Variants in NALF1 observed in about 807,000 individuals in gnomAD.
The protein encoded by NALF1 is NALCN channel auxiliary factor 1.
NALF1 carries 3 observed loss-of-function variants against 48.4 expected under a neutral mutation model. The observed-to-expected ratio is 0.06, with a 90% CI of 0.03 to 0.16. The LOEUF (loss-of-function observed/expected upper bound fraction) is 0.16, where lower values mean the gene tolerates loss of function less well. Among genes scored for constraint, NALF1 ranks in the 10% least tolerant of loss-of-function variants. NALF1 has a pLI of 1.00. For synonymous variants in NALF1, 262 were observed against 245.7 expected (o/e 1.07, Z -0.62); for missense variants, 526 against 571.5 (o/e 0.92, Z 0.81).
Position 107,696,349 on chromosome 13 carries a change from T to C in NALF1, c.915+169333A>G, listed in dbSNP as rs189418445. ...TCCAACACCTTGCAAATGTTAATCA[T>C]AGTGGACATCCATTTGATAAAGTGT... On this transcript the variant is annotated intron_variant, in intron 1 of 2. Transcript: ENST00000375915. Among the ~76,000 whole-genome samples, 11 of 152,382 alleles carry C rather than the reference T, an allele frequency of 7.2e-5. No individual in the cohort carries two copies. In the East Asian group the frequency reaches 2.1e-3, roughly 29 times the overall value.
chr13:107,714,932 C>T (rs1020320429), intron 1 of NALF1, among the ~76,000 whole-genome samples: 5 of 151,648 alleles, frequency 3.3e-5, no homozygotes, highest in Non-Finnish European at 5.9e-5. Context: ...AGTTACTATT[C>T]GTAGCAAGGG....
intron 1 of NALF1, among the ~76,000 whole-genome samples, chr13:107,699,327 T>G (rs552197066): frequency 4.4e-4 from 67 of 152,236 alleles, no homozygotes; most frequent in African/African-American, 1.6e-3. Context: ...GACTCTGTTT[T>G]GATAGAGAGA....
intron 2 of NALF1, among the ~76,000 whole-genome samples, chr13:107,196,580 T>C (rs746986651): frequency 6.6e-6 from 1 of 152,138 alleles, no homozygotes; most frequent in African/African-American, 2.4e-5. Context: ...TTAAGTGAAA[T>C]AAGCCAGACA....
At chr13:107,766,448 G>A (rs1403070642) in intron 1 of NALF1, among the ~76,000 whole-genome samples, 3 of 152,048 alleles carry the variant, frequency 2.0e-5, no homozygotes, top group Non-Finnish European at 4.4e-5. Context: ...TCCTTTCAAG[G>A]GAAATTTTAC....
At chr13:107,864,645 T>C (rs987701494) in intron 1 of NALF1, among the ~76,000 whole-genome samples, 2 of 152,222 alleles carry the variant, frequency 1.3e-5, no homozygotes, top group Non-Finnish European at 2.9e-5. Flanking sequence ...TTAAGGCTTA[T>C]AGAGATACTG....
intron 1 of NALF1, among the ~76,000 whole-genome samples, chr13:107,628,970 A>G (rs1879758806): frequency 6.6e-6 from 1 of 152,164 alleles, no homozygotes; most frequent in African/African-American, 2.4e-5. Flanking sequence ...ATTATAACTA[A>G]CAGTGTACTT....
intron 1 of NALF1, among the ~76,000 whole-genome samples, chr13:107,546,165 G>C (rs943076925): frequency 1.3e-5 from 2 of 152,040 alleles, no homozygotes; most frequent in Non-Finnish European, 2.9e-5. Context: ...TGCACCCTGG[G>C]GCCAGTGTGC....
intron 1 of NALF1, among the ~76,000 whole-genome samples, chr13:107,637,060 T>C (rs1879997326): frequency 6.6e-6 from 1 of 151,878 alleles, no homozygotes; most frequent in Non-Finnish European, 1.5e-5. Context: ...AGTAAGATGC[T>C]ATACAGATTT....
chr13:107,531,070 T>A (rs1876615685), intron 1 of NALF1: 1 of 156,254 alleles, frequency 6.4e-6, no homozygotes, highest in South Asian at 2.1e-4. Flanking sequence ...ATTCCTATAT[T>A]AGGAATTACA....
chr13:107,733,951 T>C (rs774593877), intron 1 of NALF1, among the ~76,000 whole-genome samples: 2 of 152,198 alleles, frequency 1.3e-5, no homozygotes, highest in Non-Finnish European at 2.9e-5. Flanking sequence ...TGGTACAGCC[T>C]ACTACATACC....
intron 1 of NALF1, among the ~76,000 whole-genome samples, chr13:107,742,574 G>GT (rs1876671640): frequency 6.6e-6 from 1 of 152,136 alleles, no homozygotes; most frequent in Non-Finnish European, 1.5e-5. Context: ...CACCATGATT[G>GT]TAAGTTTCCT....
At chr13:107,718,770 C>T (rs931164957) in intron 1 of NALF1, among the ~76,000 whole-genome samples, 2 of 152,102 alleles carry the variant, frequency 1.3e-5, no homozygotes, top group Admixed American at 6.6e-5. Context: ...AATATGGCAG[C>T]CAATAGCTAC....
intron 1 of NALF1, among the ~76,000 whole-genome samples, chr13:107,303,775 A>C (rs892070097): frequency 9.2e-5 from 14 of 152,170 alleles, no homozygotes; most frequent in African/African-American, 3.4e-4. Context: ...ATTTAGAAAA[A>C]GCCCACTCAA....
chr13:107,709,377 GGTTAACAGGCAAGGT>G (rs1290966900), intron 1 of NALF1, among the ~76,000 whole-genome samples: 1 of 152,180 alleles, frequency 6.6e-6, no homozygotes, highest in Non-Finnish European at 1.5e-5. Flanking sequence ...CTGACTTTCT[GGTTAACAGGCAAGGT>G]GTGCTCTGCA....
At chr13:107,342,548 G>T (rs1441158658) in intron 1 of NALF1, among the ~76,000 whole-genome samples, 2 of 152,110 alleles carry the variant, frequency 1.3e-5, no homozygotes, top group Non-Finnish European at 1.5e-5. Context: ...GTACAACGAT[G>T]AACAGCCTTA....
At chr13:107,502,524 G>A (rs1380709479) in intron 1 of NALF1, among the ~76,000 whole-genome samples, 2 of 152,256 alleles carry the variant, frequency 1.3e-5, no homozygotes, top group East Asian at 1.9e-4. Flanking sequence ...GAAACCACCT[G>A]TTCCACATGG....
At chr13:107,548,538 C>T (rs1877200536) in intron 1 of NALF1, among the ~76,000 whole-genome samples, 1 of 152,098 alleles carries the variant, frequency 6.6e-6, no homozygotes, top group Non-Finnish European at 1.5e-5. Flanking sequence ...TGAGGAATCA[C>T]CACACTGATT....
intron 1 of NALF1, among the ~76,000 whole-genome samples, chr13:107,358,445 A>G (rs1374093296): frequency 6.6e-6 from 1 of 152,174 alleles, no homozygotes; most frequent in Non-Finnish European, 1.5e-5. Flanking sequence ...AACAGACCCC[A>G]TCAAAATATA....
intron 2 of NALF1, among the ~76,000 whole-genome samples, chr13:107,207,245 T>A (rs1056944239): frequency 6.6e-6 from 1 of 152,224 alleles, no homozygotes; most frequent in Non-Finnish European, 1.5e-5. Flanking sequence ...ATTAAAATAT[T>A]TTGTATGAGA....
Sources: gnomAD v4.1 joint callset for allele counts (sites outside exome capture counted in the v4.1 genomes callset) on GRCh38, gnomAD v4.1.1 for gene constraint, MANE v1.5 for transcripts, NCBI Gene and HGNC (gene_info 2026-07-23, HGNC 2026-07-21) for gene names.